Variants in SELP observed in about 807,000 individuals in gnomAD.
The protein encoded by SELP is P-selectin.
A neutral mutation model predicts 104.1 loss-of-function variants in SELP; 92 were observed. That is an observed-to-expected ratio of 0.88 (90% CI 0.75 to 1.05). The LOEUF (loss-of-function observed/expected upper bound fraction) is 1.05, where lower values mean the gene tolerates loss of function less well. Among genes scored for constraint, SELP ranks in the 50% least tolerant of loss-of-function variants. SELP has a pLI of 0.00. For missense variants in SELP, 1,022 were observed against 1,017.3 expected, an observed-to-expected ratio of 1.00 and a Z score of -0.06; for synonymous variants, 397 against 364.5, an observed-to-expected ratio of 1.09 and a Z score of -1.01.
At chr1:169,608,921 T>C (rs1198989321) in intron 8 of SELP, among the ~76,000 whole-genome samples, 1 of 152,184 alleles carries the variant, frequency 6.6e-6, no homozygotes, top group East Asian at 1.9e-4. Flanking sequence ...AGCAAAAGAT[T>C]AGAAACCTAA....
intron 1 of SELP, among the ~76,000 whole-genome samples, chr1:169,619,715 CTTTG>C (rs888245938): frequency 6.6e-6 from 1 of 152,088 alleles, no homozygotes; most frequent in African/African-American, 2.4e-5. Context: ...TACTATGGAT[CTTTG>C]TTTTATCTTC....
chr1:169,620,970 T>C (rs1663084990), intron 1 of SELP, among the ~76,000 whole-genome samples: 1 of 138,686 alleles, frequency 7.2e-6, no homozygotes. Context: ...TGTGTGTGTG[T>C]GTGTGTGTGT....
At position 169,597,009 on chromosome 1, in the gene SELP, T is replaced by C. The variant is rs753110605; in HGVS notation, c.1873A>G (p.Thr625Ala). The C allele has an allele frequency of 1.9e-6, 3 of 1,612,066 alleles. No individual in the cohort carries two copies. Among genetic ancestry groups the C allele is most frequent in the Non-Finnish European group, 2.5e-6 (3 of 1,178,988 alleles). Reference sequence around the variant, plus strand: ...TTATTACCTTTGCAGGTTGGTGGAGTAGCTGACCATCTTCCAGAAGTTGTG... The same window carrying C: ...TTATTACCTTTGCAGGTTGGTGGAGCAGCTGACCATCTTCCAGAAGTTGTG... ...ECTTSGRWSA[T>A]PPTCKGIASL... The change falls in exon 11 of 17, where the codon ACT (threonine) becomes GCT (alanine). Residue 625 changes from threonine to alanine, a missense_variant. Transcript: ENST00000263686.
At chr1:169,595,830 T>C (rs2101869212) in intron 12 of SELP, 95 bp downstream of exon 12, 1 of 1,011,652 alleles carries the variant, frequency 9.9e-7, no homozygotes, top group African/African-American at 1.6e-5. Context: ...GAGTAGTGGT[T>C]GTGGTTGGGT....
Position 169,617,190 on chromosome 1 carries a change from TG to T in SELP, c.318del (p.Lys108ArgfsTer44), listed in dbSNP as rs1557968934. The T allele has an allele frequency of 1.2e-6, 2 of 1,614,238 alleles. No homozygotes were observed. The highest frequency in any genetic ancestry group is 1.7e-6 in the Non-Finnish European group (2 of 1,180,048). ...TCAGCCTCGTTGGTGAGAGCCTTTT[TG>T]GTTCCCACCCATGTCCATGTCTTAT... ...KNNKTWTWVG[T>X]KKALTNEAEN... On this transcript the variant is annotated frameshift_variant, in exon 3 of 17. Transcript: ENST00000263686. LOFTEE classifies it high-confidence loss of function.
chr1:169,590,076 T>A, intron 16 of SELP, 71 bp downstream of exon 16: 1 of 1,050,076 alleles, frequency 9.5e-7, no homozygotes, highest in Admixed American at 2.1e-5. Context: ...TAAAGAAAAG[T>A]TAAGCTTTAT....
rs1432928937 is a variant in SELP, at chr1:169,594,831, G to A, written c.2148C>T (p.Asn716=). ...ELHVNKPIAM[N]CSNLWGNFSY... Reference sequence around the variant, plus strand: ...TGAAGTTTCCCCAGAGGTTGGAGCAGTTCATCGCTATTGGCTTATTAACAT... The same window carrying A: ...TGAAGTTTCCCCAGAGGTTGGAGCAATTCATCGCTATTGGCTTATTAACAT... Residue 716 remains asparagine (N), a synonymous_variant, in exon 13 of 17, where the codon AAC becomes AAT. Coordinates refer to ENST00000263686, the MANE Select transcript of SELP (RefSeq NM_003005.4). 4 of 1,613,758 alleles carry A rather than the reference G, an allele frequency of 2.5e-6. No homozygotes were observed. In the East Asian group the frequency reaches 6.7e-5, roughly 27 times the overall value.
chr1:169,620,320 G>A (rs973906150), intron 1 of SELP, among the ~76,000 whole-genome samples: 8 of 150,940 alleles, frequency 5.3e-5, no homozygotes, highest in African/African-American at 1.5e-4. Flanking sequence ...TAAATAACAC[G>A]TTCAGAATGA....
chr1:169,595,834 G>A, intron 12 of SELP, 91 bp downstream of exon 12: 4 of 1,094,840 alleles, frequency 3.7e-6, no homozygotes. Flanking sequence ...AGTGGTTGTG[G>A]TTGGGTGAGA....
At chr1:169,597,678 G>A (rs1314900812) in intron 10 of SELP, among the ~76,000 whole-genome samples, 1 of 152,082 alleles carries the variant, frequency 6.6e-6, no homozygotes, top group African/African-American at 2.4e-5. Context: ...CTCACTAATT[G>A]TTTTGTTTAT....
intron 1 of SELP, among the ~76,000 whole-genome samples, chr1:169,626,726 G>T (rs1419273132): frequency 6.6e-6 from 1 of 152,160 alleles, no homozygotes; most frequent in Non-Finnish European, 1.5e-5. Context: ...ACAGGGTCTT[G>T]CTCTGTTGCC....
At position 169,612,267 on chromosome 1, in the gene SELP, A is replaced by G. The variant is rs760712458; in HGVS notation, c.911T>C (p.Val304Ala). 6.2e-7 allele frequency: 1 copy of G among 1,614,108 alleles called. No individual in the cohort carries two copies. The highest frequency in any genetic ancestry group is 1.7e-5 in the Admixed American group (1 of 60,012). ...EGFALVGPEV[V>A]QCTASGVWTA... ...CCATACCCCCGAGGCTGTGCATTGC[A>G]CCACTTCCGGTCCAACTAATGCAAA... Residue 304 changes from valine to alanine, a missense_variant, in exon 6 of 17, where the codon GTG becomes GCG. Coordinates refer to ENST00000263686, the MANE Select transcript of SELP (RefSeq NM_003005.4).
At chr1:169,607,700 GTGT>G (rs1461766604) in intron 8 of SELP, among the ~76,000 whole-genome samples, 2 of 152,132 alleles carry the variant, frequency 1.3e-5, no homozygotes, top group African/African-American at 4.8e-5. Flanking sequence ...CATATTCCAT[GTGT>G]TGTCTCTTCT....
intron 10 of SELP, among the ~76,000 whole-genome samples, chr1:169,601,544 CA>C (rs1553228610): frequency 1.3e-5 from 2 of 152,212 alleles, no homozygotes; most frequent in Non-Finnish European, 2.9e-5. Flanking sequence ...CTCATCTGAT[CA>C]CCAGGCACTG....
chr1:169,618,045 C>G (rs544086747), intron 2 of SELP, among the ~76,000 whole-genome samples: 57 of 152,176 alleles, frequency 3.7e-4, no homozygotes, highest in Non-Finnish European at 1.2e-4. Context: ...GCACCTCATC[C>G]CTGCCTCCAT....
intron 9 of SELP, among the ~76,000 whole-genome samples, chr1:169,605,790 T>G (rs1216573393): frequency 6.6e-6 from 1 of 152,174 alleles, no homozygotes; most frequent in Non-Finnish European, 1.5e-5. Flanking sequence ...TAAGAGGATA[T>G]TTCTTCATTT....
At chr1:169,619,075 C>T (rs936240671) in intron 2 of SELP, 54 bp downstream of exon 2, 3 of 1,408,686 alleles carry the variant, frequency 2.1e-6, no homozygotes, top group Non-Finnish European at 2.0e-6. Context: ...ACACATAGAT[C>T]TGGGCTCTAC....
intron 10 of SELP, among the ~76,000 whole-genome samples, chr1:169,597,437 A>G (rs1661684741): frequency 1.3e-5 from 2 of 152,194 alleles, no homozygotes; most frequent in African/African-American, 2.4e-5. Flanking sequence ...GCCATACTCA[A>G]GAACTTACAA....
intron 8 of SELP, among the ~76,000 whole-genome samples, 172 bp downstream of exon 8, chr1:169,609,332 A>G (rs1258687837): frequency 6.6e-6 from 1 of 152,116 alleles, no homozygotes; most frequent in Non-Finnish European, 1.5e-5. Flanking sequence ...TGTGCCTAAG[A>G]CTGGCTTCAC....
Sources: allele counts gnomAD v4.1 joint callset (sites outside exome capture counted in the v4.1 genomes callset), GRCh38; gene constraint gnomAD v4.1.1; transcripts MANE v1.5; gene names NCBI Gene and HGNC (gene_info 2026-07-23, HGNC 2026-07-21).